Variants in RBM14 observed in about 807,000 individuals in gnomAD.
The protein encoded by RBM14 is RNA binding motif protein 14, also known as RNA-binding protein 14.
In RBM14, 5 loss-of-function variants were observed where a neutral mutation model predicts 52.8. The ratio of observed to expected loss-of-function variants is 0.09; its 90% CI spans 0.05 to 0.20. The LOEUF (loss-of-function observed/expected upper bound fraction) is 0.20, where lower values mean the gene tolerates loss of function less well. Among genes scored for constraint, RBM14 ranks in the 10% least tolerant of loss-of-function variants. The pLI, the probability that RBM14 is intolerant of heterozygous loss-of-function variation, is 1.00. For missense variants in RBM14, 780 were observed against 926.6 expected (o/e 0.84, Z 2.05); for synonymous variants, 411 against 401.8 (o/e 1.02, Z -0.28).
chr11:66,616,805 A>T lies in RBM14; in HGVS notation c.85A>T (p.Met29Leu), dbSNP rs767458874. ...AALFAPYGTVMSCAVMKQFAF... is the reference protein window; with the variant it reads ...AALFAPYGTVLSCAVMKQFAF... ...CCTCTTTGCGCCCTACGGCACGGTC[A>T]TGAGCTGCGCCGTCATGAAACAGTT... Residue 29 changes from methionine (M) to leucine (L), a missense_variant, in exon 1 of 3, where the codon ATG (methionine) becomes TTG (leucine). By Grantham distance (15) the Met-to-Leu change is conservative. This residue lies in a region of RBM14 where 71 missense variants were observed against 119.2 expected (regional missense o/e 0.60). Coordinates refer to ENST00000310137, the MANE Select transcript of RBM14 (RefSeq NM_006328.4). 2.5e-6 allele frequency: 4 copies of T among 1,612,646 alleles called. No homozygotes were observed. The highest frequency in any genetic ancestry group is 3.4e-6 in the Non-Finnish European group (4 of 1,179,690).
rs1937762464 is a variant in RBM14 at position 66,625,558 on chromosome 11, T to C, written c.1682T>C (p.Met561Thr). ...AGQPSAAYLS[M>T]SQGAVANANS... ...CAGCCGTCTGCAGCCTACCTGTCCA[T>C]GTCCCAGGGGGCCGTTGCCAACGCC... Residue 561 changes from methionine (M) to threonine (T), a missense_variant, in exon 2 of 3, where the codon ATG becomes ACG. Met to Thr is a moderately conservative substitution (Grantham distance 81). This residue lies in a region of RBM14 where 675 missense variants were observed against 697.3 expected (regional missense o/e 0.97). Transcript: ENST00000310137. The surrounding 1 kb of genome is among the most constrained non-coding windows in gnomAD (Gnocchi z 4.2). 2 of 1,612,522 alleles carry C rather than the reference T, an allele frequency of 1.2e-6. No homozygotes were observed. The highest frequency in any genetic ancestry group is 2.7e-5 in the African/African-American group (2 of 74,898).
chr11:66,627,768 A>G lies in RBM14; in HGVS notation c.*1100A>G, dbSNP rs1336958786. ...TTACAGGCTAGTAGATCCTTTAGGC[A>G]GTAGGCTGGAATGAGTGCTGGGGCT... On this transcript the variant is annotated 3_prime_UTR_variant, in exon 3 of 3. Coordinates refer to ENST00000310137, the MANE Select transcript of RBM14 (RefSeq NM_006328.4). Among the ~76,000 whole-genome samples, 1 of 152,222 alleles carries G rather than the reference A, an allele frequency of 6.6e-6. No homozygotes were observed. Among genetic ancestry groups the G allele is most frequent in the African/African-American group, 2.4e-5 (1 of 41,460 alleles).
Position 66,625,024 on chromosome 11 carries a change from C to T in RBM14, c.1148C>T (p.Ser383Phe), listed in dbSNP as rs748136595. The T allele has an allele frequency of 1.2e-6, 2 of 1,613,854 alleles. No individual in the cohort carries two copies. The highest frequency in any genetic ancestry group is 1.7e-6 in the Non-Finnish European group (2 of 1,179,962). ...GGCTCCTACGGGGCTCAGGCAGCCT[C>T]CTATGGGGCCCAGTCTGCAGCCTCC... ...SLGSYGAQAASYGAQSAASSL... is the reference protein window; with the variant it reads ...SLGSYGAQAAFYGAQSAASSL... The change falls in exon 2 of 3, where the codon TCC (serine) becomes TTC (phenylalanine). Residue 383 changes from serine to phenylalanine, a missense_variant. Coordinates refer to ENST00000310137, the MANE Select transcript of RBM14 (RefSeq NM_006328.4). The surrounding 1 kb of genome is among the most constrained non-coding windows in gnomAD (Gnocchi z 4.2).
chr11:66,623,038 A>G (rs928924034), intron 1 of RBM14, among the ~76,000 whole-genome samples: 1 of 152,142 alleles, frequency 6.6e-6, no homozygotes, highest in Non-Finnish European at 1.5e-5. Context: ...TGTGTAGTAG[A>G]TAAGTATAGC....
At chr11:66,617,235 G>C in intron 1 of RBM14, 178 bp downstream of exon 1, 1 of 1,417,304 alleles carries the variant, frequency 7.1e-7, no homozygotes. Flanking sequence ...TGCGGTCCAG[G>C]AACCGTCCAC....
Position 66,624,993 on chromosome 11 carries a change from T to C in RBM14, c.1117T>C (p.Ser373Pro). 6.2e-7 allele frequency: 1 copy of C among 1,613,786 alleles called. No individual in the cohort carries two copies. ...SSYNTQGAASSLGSYGAQAAS... is the reference protein window; with the variant it reads ...SSYNTQGAASPLGSYGAQAAS... ...CTACAACACCCAGGGAGCAGCTTCC[T>C]CCTTAGGCTCCTACGGGGCTCAGGC... Residue 373 changes from serine to proline, a missense_variant, in exon 2 of 3, where the codon TCC becomes CCC. Physicochemically the swap from Ser to Pro is moderately conservative, Grantham distance 74. Transcript: ENST00000310137. This position sits in a 1 kb window ranked among gnomAD's most constrained non-coding sequence, Gnocchi z 4.7.
chr11:66,626,058 CT>C (rs1937790876), intron 2 of RBM14, among the ~76,000 whole-genome samples: 1 of 152,214 alleles, frequency 6.6e-6, no homozygotes, highest in Non-Finnish European at 1.5e-5. Flanking sequence ...AGAGTAGTCC[CT>C]TTGGCATTCA....
rs1565070959 is a variant in RBM14, at chr11:66,624,174, G to T, written c.338-40G>T. ...TGGGACCCATCAGGTAGCATGCCCT[G>T]CCCCCCTAATTGCTAACCCTCTGTC... On this transcript the variant is annotated intron_variant, in intron 1 of 2. Transcript: ENST00000310137. This position sits in a 1 kb window ranked among gnomAD's most constrained non-coding sequence, Gnocchi z 4.7. 1.9e-6 allele frequency: 3 copies of T among 1,544,682 alleles called. No homozygotes were observed. The highest frequency in any genetic ancestry group is 2.5e-5 in the South Asian group (2 of 80,134).
rs1440067749 is a variant in RBM14, at chr11:66,626,390, T to A, written c.1803-71T>A. On this transcript the variant is annotated intron_variant, in intron 2 of 2. Transcript: ENST00000310137. ...CACACCCTCCCTGTCCCCATTGGCA[T>A]CTCCCCAATGCCCACCTGGAGTCCT... The A allele has an allele frequency of 3.5e-6, 5 of 1,436,438 alleles. No individual in the cohort carries two copies. In the East Asian group the frequency reaches 1.1e-4, roughly 33 times the overall value. The allele number at this position is 1,436,438 out of a possible 1,614,324, so 89.0% of individuals were successfully genotyped here.
chr11:66,626,813 T>C lies in RBM14; in HGVS notation c.*145T>C, dbSNP rs1304173315. ...TACCATGTGGGCCTTCCCCAGGAGATGATCCTGTTAAGTGTTCGGCAGTAA... is the reference window on the plus strand; with the variant it reads ...TACCATGTGGGCCTTCCCCAGGAGACGATCCTGTTAAGTGTTCGGCAGTAA... On this transcript the variant is annotated 3_prime_UTR_variant, in exon 3 of 3. Coordinates refer to ENST00000310137, the MANE Select transcript of RBM14 (RefSeq NM_006328.4). The C allele has an allele frequency of 1.2e-6, 1 of 800,156 alleles. No individual in the cohort carries two copies. The highest frequency in any genetic ancestry group is 1.9e-6 in the Non-Finnish European group (1 of 519,488). 49.6% of individuals were successfully genotyped at this position (800,156 alleles called of 1,614,324 possible). A position where few individuals can be genotyped will look rare whatever the true frequency, so the allele number is the denominator to read the frequency against.
chr11:66,622,060 T>A (rs1172231148), intron 1 of RBM14, among the ~76,000 whole-genome samples: 1 of 151,596 alleles, frequency 6.6e-6, no homozygotes, highest in Non-Finnish European at 1.5e-5. Context: ...GGATTACAGG[T>A]GCCAGCCACC....
chr11:66,624,356 G>C lies in RBM14; in HGVS notation c.480G>C (p.Gln160His). 6.2e-7 allele frequency: 1 copy of C among 1,614,168 alleles called. No individual in the cohort carries two copies. The highest frequency in any genetic ancestry group is 1.1e-5 in the South Asian group (1 of 91,084). Residue 160 changes from glutamine to histidine, a missense_variant, in exon 2 of 3, where the codon CAG becomes CAC. Gln to His is a conservative substitution (Grantham distance 24, BLOSUM62 0). Coordinates refer to ENST00000310137, the MANE Select transcript of RBM14 (RefSeq NM_006328.4). The surrounding 1 kb of genome is among the most constrained non-coding windows in gnomAD (Gnocchi z 4.7). ...AGAAGGGGCCTGGCCTGGCTGTCCA[G>C]TCTGGGGACAAGACCAAGAAACCAG... ...GQKKGPGLAV[Q>H]SGDKTKKPGA...
intron 1 of RBM14, chr11:66,621,009 A>T (rs148483254): frequency 1.3e-4 from 20 of 151,900 alleles, no homozygotes; most frequent in South Asian, 8.3e-4. Context: ...AAGATTTTTT[A>T]AAATATTTAT....
chr11:66,622,901 A>G (rs1859181595), intron 1 of RBM14, among the ~76,000 whole-genome samples: 1 of 152,186 alleles, frequency 6.6e-6, no homozygotes, highest in African/African-American at 2.4e-5. Context: ...ACAGGTCGAG[A>G]ATGGAGCTAA....
Position 66,625,692 on chromosome 11 carries a change from C to T in RBM14, c.1802+14C>T, listed in dbSNP as rs894010706. The T allele has an allele frequency of 1.3e-6, 2 of 1,563,006 alleles. No individual in the cohort carries two copies. The highest frequency in any genetic ancestry group is 1.3e-5 in the African/African-American group (1 of 74,128). ...CATGTCGAAAAGGTACTGTATGCCC[C>T]CCCGCCTCTGCCCCCAGCTGGGGCT... is the stretch of plus-strand genomic sequence containing the variant. On this transcript the variant is annotated intron_variant, in intron 2 of 2. Coordinates refer to ENST00000310137, the MANE Select transcript of RBM14 (RefSeq NM_006328.4). The surrounding 1 kb of genome is among the most constrained non-coding windows in gnomAD (Gnocchi z 4.2).
At position 66,627,038 on chromosome 11, in the gene RBM14, CCTTTTT is replaced by C. The variant is rs1358028294; in HGVS notation, c.*377_*382del. On this transcript the variant is annotated 3_prime_UTR_variant, in exon 3 of 3. Transcript: ENST00000310137. ...CAACCTGCAGCTGAGGTCGCCGGCG[CCTTTTT>C]CTTTTTAGATGGGAAGGAGGCCAGG... 2 of 181,408 alleles carry C rather than the reference CCTTTTT, an allele frequency of 1.1e-5. No individual in the cohort carries two copies. Among genetic ancestry groups the C allele is most frequent in the African/African-American group, 2.4e-5 (1 of 42,158 alleles). 11.2% of individuals were successfully genotyped at this position (181,408 alleles called of 1,614,324 possible). A position where few individuals can be genotyped will look rare whatever the true frequency, so the allele number is the denominator to read the frequency against.
Position 66,627,272 on chromosome 11 carries a change from T to C in RBM14, c.*604T>C, listed in dbSNP as rs1224298178. 1 of 152,226 alleles carries C rather than the reference T, an allele frequency of 6.6e-6. No homozygotes were observed. The highest frequency in any genetic ancestry group is 1.5e-5 in the Non-Finnish European group (1 of 68,062). 9.4% of individuals were successfully genotyped at this position (152,226 alleles called of 1,614,324 possible). A position where few individuals can be genotyped will look rare whatever the true frequency, so the allele number is the denominator to read the frequency against. On this transcript the variant is annotated 3_prime_UTR_variant, in exon 3 of 3. Transcript: ENST00000310137. ...CCCCATCTCCCCAAGTAGGTGGTGT[T>C]AGAAAACCTTAATTTTTTTTCCCTT...
At chr11:66,626,312 G>T in intron 2 of RBM14, 149 bp from the exon 3 acceptor site, 1 of 780,856 alleles carries the variant, frequency 1.3e-6, no homozygotes, top group Non-Finnish European at 2.0e-6. Context: ...GGCCTGGATA[G>T]GGTGATGAGC....
At chr11:66,619,178 C>A (rs1220102777) in intron 1 of RBM14, 1 of 152,188 alleles carries the variant, frequency 6.6e-6, no homozygotes, top group Non-Finnish European at 1.5e-5. Context: ...CTCTAAAGAG[C>A]GTACTCATTT....
Sources: gnomAD v4.1 joint callset for allele counts (sites outside exome capture counted in the v4.1 genomes callset) on GRCh38, gnomAD v4.1.1 for gene constraint, gnomAD v4.1.1 regional missense constraint, Gnocchi (gnomAD v3.1) non-coding constraint, MANE v1.5 for transcripts, NCBI Gene and HGNC (gene_info 2026-07-23, HGNC 2026-07-21) for gene names.